The following BABAM1 variants were observed in gnomAD, a reference collection of about 807,000 sequenced individuals.
BABAM1 encodes the protein BRISC and BRCA1 A complex member 1.
A neutral mutation model predicts 34.4 loss-of-function variants in BABAM1; 14 were observed. The ratio of observed to expected loss-of-function variants is 0.41; its 90% CI spans 0.27 to 0.64. The LOEUF (loss-of-function observed/expected upper bound fraction) is 0.64, where lower values mean the gene tolerates loss of function less well. BABAM1 is among the 30% of genes least tolerant of loss of function. BABAM1 has a pLI of 0.34. For missense variants in BABAM1, 393 were observed against 434.0 expected (o/e 0.91, Z 0.84); for synonymous variants, 169 against 165.8 (o/e 1.02, Z -0.15).
chr19:17,273,581 T>A (rs893098818), intron 3 of BABAM1, among the ~76,000 whole-genome samples: 2 of 127,810 alleles, frequency 1.6e-5, no homozygotes, highest in African/African-American at 2.8e-5. Flanking sequence ...TTTTTTTTTT[T>A]GAGACAGAGT....
chr19:17,272,562 G>A (rs1275020280), intron 3 of BABAM1, among the ~76,000 whole-genome samples: 3 of 151,710 alleles, frequency 2.0e-5, no homozygotes, highest in Non-Finnish European at 2.9e-5. Context: ...CTGCCACCAC[G>A]CCTGGCTAAT....
In BABAM1 at chr19:17,273,915, A is replaced by G. The variant is rs761624438; in HGVS notation, c.356A>G (p.Asn119Ser). ...KLESFNGSKTNALNVSQKMIE... is the reference protein window; with the variant it reads ...KLESFNGSKTSALNVSQKMIE... ...CTCTGCCTCCCCAGCTCCAAAACCA[A>G]CGCCCTCAATGTCTCCCAGAAGATG... Residue 119 changes from asparagine to serine, a missense_variant, in exon 4 of 9, where the codon AAC becomes AGC. Coordinates refer to ENST00000598188, the MANE Select transcript of BABAM1 (RefSeq NM_014173.4). 4.3e-6 allele frequency: 7 copies of G among 1,611,496 alleles called. No homozygotes were observed. Among genetic ancestry groups the G allele is most frequent in the Admixed American group, 1.7e-5 (1 of 59,520 alleles).
rs549404788 is a variant in BABAM1 at position 17,279,159 on chromosome 19, C to A, written c.*111C>A. The A allele has an allele frequency of 2.4e-5, 28 of 1,150,960 alleles. No individual in the cohort carries two copies. The highest frequency in any genetic ancestry group is 2.9e-5 in the Non-Finnish European group (24 of 815,676). 71.3% of individuals were successfully genotyped at this position (1,150,960 alleles called of 1,614,324 possible). ...CGGGGTGGGGGGGTTCCAGGAGGCA[C>A]GTAGGGTACCTTGCAGGGTCCTAGG... is the stretch of plus-strand genomic sequence containing the variant. On this transcript the variant is annotated 3_prime_UTR_variant, in exon 9 of 9. Coordinates refer to ENST00000598188, the MANE Select transcript of BABAM1 (RefSeq NM_014173.4).
chr19:17,273,549 T>C (rs1191958681), intron 3 of BABAM1, among the ~76,000 whole-genome samples: 2 of 21,096 alleles, frequency 9.5e-5, no homozygotes, highest in Non-Finnish European at 2.9e-4. Context: ...AAGGAAGTTT[T>C]TTTTTGTTTG....
intron 2 of BABAM1, among the ~76,000 whole-genome samples, chr19:17,271,289 C>T (rs1163909476): frequency 6.6e-6 from 1 of 152,124 alleles, no homozygotes; most frequent in Non-Finnish European, 1.5e-5. Context: ...TGTGCCAGGC[C>T]AAATAAGGTC....
chr19:17,274,048 T>C, intron 4 of BABAM1, 24 bp downstream of exon 4: 1 of 1,613,758 alleles, frequency 6.2e-7, no homozygotes, highest in South Asian at 1.1e-5. Flanking sequence ...AGGCGCTGGG[T>C]GCCCTGGGGT....
At chr19:17,277,292 C>T (rs2073922146) in intron 8 of BABAM1, 1 of 172,812 alleles carries the variant, frequency 5.8e-6, no homozygotes, top group Admixed American at 5.8e-5. Context: ...ACCTCTGCCT[C>T]CCGGGTTCAA....
At chr19:17,277,189 T>C in intron 8 of BABAM1, 1 of 341,928 alleles carries the variant, frequency 2.9e-6, no homozygotes, top group East Asian at 5.1e-5. Context: ...CTTGCTTGCT[T>C]TTCTTTCTTC....
In BABAM1 at chr19:17,279,296, G is replaced by C. The variant is rs1436997643; in HGVS notation, c.*248G>C. The C allele has an allele frequency of 2.3e-6, 1 of 437,902 alleles. No individual in the cohort carries two copies. The highest frequency in any genetic ancestry group is 4.1e-6 in the Non-Finnish European group (1 of 246,222). The allele number at this position is 437,902 out of a possible 1,614,324, so 27.1% of individuals were successfully genotyped here. Reference sequence around the variant, plus strand: ...TCATGGATAATTTTTGTTCTTCCCTGTGTGATTTTTGCCATCAAAATAAAA... The same window carrying C: ...TCATGGATAATTTTTGTTCTTCCCTCTGTGATTTTTGCCATCAAAATAAAA... On this transcript the variant is annotated 3_prime_UTR_variant, in exon 9 of 9. Transcript: ENST00000598188.
chr19:17,277,997 A>C (rs2073930752), intron 8 of BABAM1, among the ~76,000 whole-genome samples: 1 of 151,630 alleles, frequency 6.6e-6, no homozygotes, highest in Non-Finnish European at 1.5e-5. Context: ...CAACATGGAG[A>C]AACCCTGTCT....
chr19:17,276,400 A>C, intron 6 of BABAM1, 95 bp from the exon 7 acceptor site: 1 of 1,536,246 alleles, frequency 6.5e-7, no homozygotes, highest in Non-Finnish European at 8.8e-7. Context: ...GTGGGGCCTC[A>C]CCTGCCCGGT....
rs201361988 is a variant in BABAM1, at chr19:17,278,879, A to G, written c.821A>G (p.Lys274Arg). 391 of 1,613,514 alleles carry G rather than the reference A, an allele frequency of 2.4e-4. No individual in the cohort carries two copies. The highest frequency in any genetic ancestry group is 1.5e-4 in the Non-Finnish European group (178 of 1,179,792). The change falls in exon 9 of 9, where the codon AAG becomes AGG. Residue 274 changes from lysine to arginine, a missense_variant. Lys to Arg is a conservative substitution (Grantham distance 26). Coordinates refer to ENST00000598188, the MANE Select transcript of BABAM1 (RefSeq NM_014173.4). ...GCCTTCATGGGCAGCCTGGATACCA[A>G]GGGTACCAGCTACAAGTATGAGGTG... ...MFAFMGSLDT[K>R]GTSYKYEVAL...
chr19:17,274,315 A>G (rs2073882740), intron 5 of BABAM1, 130 bp downstream of exon 5: 15 of 1,210,420 alleles, frequency 1.2e-5, no homozygotes, highest in Admixed American at 2.0e-5. Flanking sequence ...AGGCTGGGAA[A>G]GTCACCCCTC....
At chr19:17,278,000 C>A (rs2073930817) in intron 8 of BABAM1, among the ~76,000 whole-genome samples, 1 of 151,594 alleles carries the variant, frequency 6.6e-6, no homozygotes, top group African/African-American at 2.4e-5. Flanking sequence ...CATGGAGAAA[C>A]CCTGTCTCTA....
In BABAM1 at chr19:17,269,085, G is replaced by C; in HGVS notation, c.279G>C (p.Glu93Asp). ...GGACACCAAGGGTCAACTGTCCAGA[G>C]AAAGTGGTAAGTAGAGGGGGTGGCC... ...QIRTPRVNCPEKVIICLDLSE... is the reference protein window; with the variant it reads ...QIRTPRVNCPDKVIICLDLSE... Residue 93 changes from glutamate to aspartate, a missense_variant, in exon 2 of 9, where the codon GAG (glutamate) becomes GAC (aspartate). Physicochemically the swap from Glu to Asp is conservative, Grantham distance 45 (BLOSUM62 2). Coordinates refer to ENST00000598188, the MANE Select transcript of BABAM1 (RefSeq NM_014173.4). 2 of 1,604,756 alleles carry C rather than the reference G, an allele frequency of 1.2e-6. No homozygotes were observed.
chr19:17,274,858 A>T (rs1483428331), intron 5 of BABAM1, among the ~76,000 whole-genome samples: 1 of 62,720 alleles, frequency 1.6e-5, no homozygotes, highest in African/African-American at 6.5e-5. Flanking sequence ...AGGACAAGAC[A>T]CCCCTGGCTC....
chr19:17,267,487 C>A lies in BABAM1; in HGVS notation c.-54C>A, dbSNP rs180954832. 2 of 152,136 alleles carry A rather than the reference C, an allele frequency of 1.3e-5. No homozygotes were observed. Among genetic ancestry groups the A allele is most frequent in the Non-Finnish European group, 2.9e-5 (2 of 68,046 alleles). The allele number at this position is 152,136 out of a possible 1,614,324, so 9.4% of individuals were successfully genotyped here. On this transcript the variant is annotated 5_prime_UTR_variant, in exon 1 of 9. Transcript: ENST00000598188. ...AGATGGCGGCTTCCTAGTGAGTCGG[C>A]GGCTGATTTAGAAGGAGGTTCAGGC... is the stretch of plus-strand genomic sequence containing the variant.
chr19:17,278,945 C>T lies in BABAM1; in HGVS notation c.887C>T (p.Ala296Val), dbSNP rs999462407. The part of the protein sequence containing the change: ...GPALELHNCM[A>V]KLLAHPLQRP... ...GCCCTGGAGTTGCACAACTGCATGG[C>T]GAAACTGTTGGCCCACCCCCTGCAG... Residue 296 changes from alanine to valine, a missense_variant, in exon 9 of 9, where the codon GCG becomes GTG. Physicochemically the swap from Ala to Val is moderately conservative, Grantham distance 64. Coordinates refer to ENST00000598188, the MANE Select transcript of BABAM1 (RefSeq NM_014173.4). 1.4e-5 allele frequency: 23 copies of T among 1,613,076 alleles called. No homozygotes were observed. The highest frequency in any genetic ancestry group is 2.2e-5 in the East Asian group (1 of 44,884).
intron 1 of BABAM1, among the ~76,000 whole-genome samples, chr19:17,267,855 C>G (rs2073787010): frequency 6.6e-6 from 1 of 152,088 alleles, no homozygotes; most frequent in African/African-American, 2.4e-5. Context: ...CGAGGGTGTC[C>G]TAGAGGTTAT....
Sources: allele counts gnomAD v4.1 joint callset (sites outside exome capture counted in the v4.1 genomes callset), GRCh38; gene constraint gnomAD v4.1.1; transcripts MANE v1.5; gene names NCBI Gene and HGNC (gene_info 2026-07-23, HGNC 2026-07-21).